CSMD3: variants seen among roughly 807,000 people sequenced by gnomAD.
CSMD3 encodes CUB and sushi domain-containing protein 3.
Under a neutral mutation model 435.2 loss-of-function variants are expected in CSMD3, and 177 were observed. The observed-to-expected ratio is 0.41, with a 90% CI of 0.36 to 0.46. The LOEUF is 0.46. CSMD3 is among the 20% of genes least tolerant of loss of function. CSMD3 has a pLI of 0.34. For synonymous variants in CSMD3, 1,656 were observed against 1,520.5 expected, an observed-to-expected ratio of 1.09 and a Z score of -2.07; for missense variants, 4,265 against 4,504.6, an observed-to-expected ratio of 0.95 and a Z score of 1.52.
intron 4 of CSMD3, among the ~76,000 whole-genome samples, chr8:113,124,148 A>G (rs2091060384): frequency 6.6e-6 from 1 of 152,016 alleles, no homozygotes; most frequent in Non-Finnish European, 1.5e-5. Context: ...TTAATGTCAT[A>G]GGAATGAAAA....
At chr8:113,164,771 G>GA (rs919791249) in intron 4 of CSMD3, among the ~76,000 whole-genome samples, 33 of 151,486 alleles carry the variant, frequency 2.2e-4, no homozygotes, top group Middle Eastern at 3.4e-3. Context: ...TATTACACAG[G>GA]AAAAAAAAGA....
intron 10 of CSMD3, among the ~76,000 whole-genome samples, chr8:112,907,313 C>A (rs1481049248): frequency 6.6e-6 from 1 of 151,410 alleles, no homozygotes; most frequent in African/African-American, 2.4e-5. Context: ...AACTGAAATT[C>A]ATCATATTCG....
intron 30 of CSMD3, among the ~76,000 whole-genome samples, chr8:112,496,966 T>C (rs985986056): frequency 6.6e-6 from 1 of 152,304 alleles, no homozygotes; most frequent in African/African-American, 2.4e-5. Flanking sequence ...TTTGATTGTT[T>C]GTAACACAAA....
Position 113,210,003 on chromosome 8 carries a change from GGTGTGTGT to G in CSMD3, c.515-36095_515-36088del, listed in dbSNP as rs3048831. On this transcript the variant is annotated intron_variant, in intron 3 of 70. Coordinates refer to ENST00000297405, the MANE Select transcript of CSMD3 (RefSeq NM_198123.2). ...CTAACCCGTTTTACTTCTCCTAAAA[GGTGTGTGT>G]GTGTGTGTGTGTGTGTGTGTGTGTG... Among the ~76,000 whole-genome samples, 1,356 of 139,042 alleles carry G rather than the reference GGTGTGTGT, an allele frequency of 9.8e-3. 19 individuals carry two copies. Among genetic ancestry groups the G allele is most frequent in the African/African-American group, 0.027 (1,071 of 39,340 alleles). 91.2% of individuals were successfully genotyped at this position (139,042 alleles called of 152,430 possible). A position where few individuals can be genotyped will look rare whatever the true frequency, so the allele number is the denominator to read the frequency against.
At chr8:112,865,684 CCCCACACACACACA>C (rs1476417243) in intron 10 of CSMD3, among the ~76,000 whole-genome samples, 7 of 136,338 alleles carry the variant, frequency 5.1e-5, no homozygotes, top group South Asian at 2.3e-4. Context: ...CCTTTACATA[CCCCACACACACACA>C]CACACACACA....
chr8:113,308,560 G>A (rs72670756), intron 2 of CSMD3, among the ~76,000 whole-genome samples: 15,743 of 152,020 alleles, frequency 0.1, 1,250 homozygotes, highest in African/African-American at 0.22. Context: ...GAGCCACCGC[G>A]CCCTGCCCAT....
At chr8:112,248,543 A>T (rs755667263) in intron 63 of CSMD3, among the ~76,000 whole-genome samples, 4 of 152,112 alleles carry the variant, frequency 2.6e-5, no homozygotes, top group Non-Finnish European at 5.9e-5. Context: ...GCCACTTTGT[A>T]CTTCTCCAGC....
chr8:112,881,817 G>A (rs1469131566), intron 10 of CSMD3, among the ~76,000 whole-genome samples: 2 of 151,948 alleles, frequency 1.3e-5, no homozygotes, highest in African/African-American at 4.8e-5. Flanking sequence ...CCGATTAGGA[G>A]ACTACTGCTG....
At chr8:112,420,178 C>T (rs529713382) in intron 32 of CSMD3, among the ~76,000 whole-genome samples, 45 of 152,056 alleles carry the variant, frequency 3.0e-4, no homozygotes, top group African/African-American at 1.0e-3. Flanking sequence ...AAACATATAC[C>T]AAGTAGACAT....
chr8:113,042,226 C>A (rs1013758654), intron 5 of CSMD3, among the ~76,000 whole-genome samples: 1 of 152,028 alleles, frequency 6.6e-6, no homozygotes, highest in Non-Finnish European at 1.5e-5. Flanking sequence ...TTATATTGCA[C>A]TCGTTTTGAA....
chr8:112,876,649 C>A (rs2081290496), intron 10 of CSMD3, among the ~76,000 whole-genome samples: 1 of 151,972 alleles, frequency 6.6e-6, no homozygotes, highest in Admixed American at 6.6e-5. Flanking sequence ...ATGCTAAAAA[C>A]TCTCAATAAA....
chr8:112,401,169 C>G (rs1449018087), intron 35 of CSMD3, among the ~76,000 whole-genome samples: 2 of 152,004 alleles, frequency 1.3e-5, no homozygotes, highest in Non-Finnish European at 2.9e-5. Flanking sequence ...CACCACTGCA[C>G]TCTAGCCTGG....
chr8:112,379,364 G>C (rs11993481), intron 38 of CSMD3, among the ~76,000 whole-genome samples: 3,186 of 152,196 alleles, frequency 0.021, 102 homozygotes, highest in African/African-American at 0.072. Flanking sequence ...AGCTACTTGG[G>C]AGGCTGAGGC....
intron 3 of CSMD3, among the ~76,000 whole-genome samples, chr8:113,210,514 G>C (rs917315903): frequency 5.1e-4 from 77 of 151,540 alleles, no homozygotes; most frequent in African/African-American, 1.8e-3. Flanking sequence ...TTATATATTC[G>C]AATCAAATTA....
At chr8:112,464,921 C>T (rs537494265) in intron 32 of CSMD3, among the ~76,000 whole-genome samples, 2 of 152,204 alleles carry the variant, frequency 1.3e-5, no homozygotes, top group African/African-American at 2.4e-5. Flanking sequence ...AGCGTTATTG[C>T]CTTACCTAAA....
intron 18 of CSMD3, among the ~76,000 whole-genome samples, chr8:112,655,158 G>C (rs1425636937): frequency 6.6e-6 from 1 of 151,970 alleles, no homozygotes; most frequent in African/African-American, 2.4e-5. Flanking sequence ...AAACCCATGA[G>C]TCCATTGACT....
chr8:113,382,828 A>G (rs1358226592), intron 1 of CSMD3, among the ~76,000 whole-genome samples: 1 of 152,100 alleles, frequency 6.6e-6, no homozygotes, highest in African/African-American at 2.4e-5. Context: ...TAAAAATACA[A>G]AAATTAGCCA....
In CSMD3 at chr8:112,408,932, T is replaced by G; in HGVS notation, c.5496A>C (p.Ser1832=). ...TQQSSLLSSL[S]GSHSGESLPL... ...ATTAAAGGATACCTGAATGGGATCCTGAGAGGGAAGATAACAGAGAAGATT... is the reference window on the plus strand; with the variant it reads ...ATTAAAGGATACCTGAATGGGATCCGGAGAGGGAAGATAACAGAGAAGATT... The change falls in exon 33 of 71, where the codon TCA becomes TCC. Residue 1832 remains serine, a synonymous_variant. Coordinates refer to ENST00000297405, the MANE Select transcript of CSMD3 (RefSeq NM_198123.2). 6.2e-7 allele frequency: 1 copy of G among 1,613,538 alleles called. No homozygotes were observed. The highest frequency in any genetic ancestry group is 8.5e-7 in the Non-Finnish European group (1 of 1,179,620).
At chr8:113,036,102 G>A (rs2087339191) in intron 5 of CSMD3, among the ~76,000 whole-genome samples, 1 of 151,758 alleles carries the variant, frequency 6.6e-6, no homozygotes, top group Non-Finnish European at 1.5e-5. Context: ...TTATCTACTT[G>A]AGATTAATAA....
Sources: allele counts gnomAD v4.1 joint callset (sites outside exome capture counted in the v4.1 genomes callset), GRCh38; gene constraint gnomAD v4.1.1; transcripts MANE v1.5; gene names NCBI Gene and HGNC (gene_info 2026-07-23, HGNC 2026-07-21).